RUNX1: variants seen among roughly 807,000 people sequenced by gnomAD.
The protein encoded by RUNX1 is runt-related transcription factor 1.
In RUNX1, 19 loss-of-function variants were observed where a neutral mutation model predicts 42.8. The observed-to-expected ratio is 0.44, with a 90% CI of 0.31 to 0.65. RUNX1 has a LOEUF of 0.65. Among genes scored for constraint, RUNX1 ranks in the 30% least tolerant of loss-of-function variants. The probability of loss-of-function intolerance (pLI) is 0.07; values close to 1 mark genes in which losing one functional copy is unlikely to be tolerated. For synonymous variants in RUNX1, 271 were observed against 289.4 expected, an observed-to-expected ratio of 0.94 and a Z score of 0.64; for missense variants, 528 against 672.0, an observed-to-expected ratio of 0.79 and a Z score of 2.37.
intron 3 of RUNX1, among the ~76,000 whole-genome samples, chr21:34,891,651 A>G (rs1872055836): frequency 6.6e-6 from 1 of 151,986 alleles, no homozygotes; most frequent in South Asian, 2.1e-4. Context: ...TACCAGGTTC[A>G]TTCCCAGTGT....
chr21:35,038,508 A>C (rs2059327114), intron 2 of RUNX1: 1 of 455,362 alleles, frequency 2.2e-6, no homozygotes, highest in African/African-American at 2.0e-5. Flanking sequence ...AGCTTCCTTG[A>C]ATTCAGTACA....
intron 7 of RUNX1, among the ~76,000 whole-genome samples, chr21:34,817,617 C>T (rs1272199740): frequency 6.6e-6 from 1 of 152,150 alleles, no homozygotes; most frequent in African/African-American, 2.4e-5. Flanking sequence ...GTTACTCAAG[C>T]CCCCAAGACA....
chr21:34,853,603 T>A (rs2057455133), intron 6 of RUNX1, among the ~76,000 whole-genome samples: 3 of 152,214 alleles, frequency 2.0e-5, no homozygotes, highest in Admixed American at 1.3e-4. Flanking sequence ...TTTTGAAGAT[T>A]ATATAAATTA....
In RUNX1 at chr21:34,930,270, G is replaced by GTGTGTGTATATATATATA. The variant is rs372412304; in HGVS notation, c.59-37308_59-37307insTATATATATATACACACA. Among the ~76,000 whole-genome samples the GTGTGTGTATATATATATA allele has an allele frequency of 8.7e-4, 107 of 122,908 alleles. 1 individual carries two copies. The highest frequency in any genetic ancestry group is 2.9e-3 in the African/African-American group (77 of 26,614). 80.6% of individuals were successfully genotyped at this position (122,908 alleles called of 152,430 possible). On this transcript the variant is annotated intron_variant, in intron 2 of 8. Coordinates refer to ENST00000675419, the MANE Select transcript of RUNX1 (RefSeq NM_001754.5). The stretch of plus-strand genomic sequence containing the variant: ...ATGTATATTATACGTGTGTGTGTAT[G>GTGTGTGTATATATATATA]TATATATATATATATATATATAAAT...
chr21:34,934,212 T>C (rs1191148362), intron 2 of RUNX1, among the ~76,000 whole-genome samples: 14 of 152,214 alleles, frequency 9.2e-5, no homozygotes, highest in Admixed American at 8.5e-4. Context: ...CTTGGGACTG[T>C]ACACCCTGTT....
intron 3 of RUNX1, chr21:34,889,861 T>TGCCGGGCCCTGCACCTCCCG: frequency 9.2e-7 from 1 of 1,086,140 alleles, no homozygotes; most frequent in Admixed American, 5.4e-5. Flanking sequence ...ACGCCCTCCC[T>TGCCGGGCCCTGCACCTCCCG]GCCGGGCCCT....
At position 34,792,998 on chromosome 21, in the gene RUNX1, C is replaced by T. The variant is rs554268203; in HGVS notation, c.968-388G>A. Among the ~76,000 whole-genome samples, 1 of 150,984 alleles carries T rather than the reference C, an allele frequency of 6.6e-6. No homozygotes were observed. Among genetic ancestry groups the T allele is most frequent in the South Asian group, 2.1e-4 (1 of 4,780 alleles). On this transcript the variant is annotated intron_variant, in intron 8 of 8. Coordinates refer to ENST00000675419, the MANE Select transcript of RUNX1 (RefSeq NM_001754.5). This position sits in a 1 kb window ranked among gnomAD's most constrained non-coding sequence, Gnocchi z 6.9. ...CACCACCTGGGAGGATGGAGACCAC[C>T]CAGGATGCTACCGCCTAGGAGGACG...
chr21:34,789,089 T>C lies in RUNX1; in HGVS notation c.*3046A>G. ...ATTTGCCCAGGAAAGTTTGCTGGTT[T>C]GGACAGCAAGCAGATCCAATATGGT... On this transcript the variant is annotated 3_prime_UTR_variant, in exon 9 of 9. Transcript: ENST00000675419. The C allele has an allele frequency of 4.3e-6, 1 of 233,318 alleles. No homozygotes were observed. The highest frequency in any genetic ancestry group is 5.6e-5 in the Admixed American group (1 of 17,802). The allele number at this position is 233,318 out of a possible 1,614,324, so 14.5% of individuals were successfully genotyped here.
chr21:34,915,218 T>C (rs1601565310), intron 2 of RUNX1, among the ~76,000 whole-genome samples: 1 of 152,350 alleles, frequency 6.6e-6, no homozygotes, highest in East Asian at 1.9e-4. Flanking sequence ...TAACATATTA[T>C]GCTATTTGAT....
intron 6 of RUNX1, among the ~76,000 whole-genome samples, chr21:34,847,165 G>T (rs557907135): frequency 1.3e-5 from 2 of 152,312 alleles, no homozygotes; most frequent in East Asian, 1.9e-4. Flanking sequence ...ACTGTATTTG[G>T]TCTTGCAAGA....
chr21:35,009,824 A>T (rs1791338187), intron 2 of RUNX1, among the ~76,000 whole-genome samples: 1 of 152,182 alleles, frequency 6.6e-6, no homozygotes, highest in African/African-American at 2.4e-5. Flanking sequence ...GAGGGTTTAA[A>T]ATTTTGACTA....
At chr21:34,803,372 C>T (rs2056634689) in intron 7 of RUNX1, among the ~76,000 whole-genome samples, 1 of 151,886 alleles carries the variant, frequency 6.6e-6, no homozygotes, top group African/African-American at 2.4e-5. Flanking sequence ...ACGGTGAAAC[C>T]CTGTCTCTAC....
intron 6 of RUNX1, among the ~76,000 whole-genome samples, chr21:34,838,057 T>C (rs1287925079): frequency 4.6e-5 from 7 of 152,216 alleles, no homozygotes; most frequent in Non-Finnish European, 1.0e-4. Context: ...ATTCCTATTG[T>C]TTTCGGGGTT....
chr21:34,791,751 TAAGTC>T lies in RUNX1; in HGVS notation c.*379_*383del, dbSNP rs1376371328. On this transcript the variant is annotated 3_prime_UTR_variant, in exon 9 of 9. Coordinates refer to ENST00000675419, the MANE Select transcript of RUNX1 (RefSeq NM_001754.5). The stretch of plus-strand genomic sequence containing the variant: ...GGAATAAACAACTTGGTTAAAAAGT[TAAGTC>T]AAGGGTATAAAATCTTTCTTTTTAT... 4.4e-6 allele frequency: 1 copy of T among 228,242 alleles called. No individual in the cohort carries two copies. The highest frequency in any genetic ancestry group is 8.7e-6 in the Non-Finnish European group (1 of 114,674). 14.1% of individuals were successfully genotyped at this position (228,242 alleles called of 1,614,324 possible).
intron 7 of RUNX1, among the ~76,000 whole-genome samples, chr21:34,800,559 TTG>T (rs1411030664): frequency 6.6e-6 from 1 of 152,208 alleles, no homozygotes; most frequent in Non-Finnish European, 1.5e-5. Context: ...GGTATAAGTT[TTG>T]TATAGGTCAG....
At chr21:34,799,593 A>C (rs921207935) in intron 7 of RUNX1, 131 bp from the exon 8 acceptor site, 7 of 745,456 alleles carry the variant, frequency 9.4e-6, no homozygotes, top group Non-Finnish European at 1.6e-5. Context: ...CCAGGGTTTA[A>C]TAAGCCTACT....
intron 2 of RUNX1, among the ~76,000 whole-genome samples, chr21:34,969,516 T>G (rs2058745112): frequency 6.6e-6 from 1 of 152,210 alleles, no homozygotes; most frequent in Admixed American, 6.5e-5. Context: ...CAGTTTCTTC[T>G]GCCTGACCCA....
intron 2 of RUNX1, among the ~76,000 whole-genome samples, chr21:34,908,824 C>G (rs764842422): frequency 6.6e-6 from 1 of 152,152 alleles, no homozygotes; most frequent in Non-Finnish European, 1.5e-5. Flanking sequence ...TTTGCATATA[C>G]ATAGAATGGG....
Position 34,790,284 on chromosome 21 carries a change from C to T in RUNX1, c.*1851G>A. 4.3e-6 allele frequency: 1 copy of T among 233,462 alleles called. No homozygotes were observed. The allele number at this position is 233,462 out of a possible 1,614,324, so 14.5% of individuals were successfully genotyped here. A position where few individuals can be genotyped will look rare whatever the true frequency, so the allele number is the denominator to read the frequency against. On this transcript the variant is annotated 3_prime_UTR_variant, in exon 9 of 9. Transcript: ENST00000675419. ...TTTTAAATAAGTCCAGCTGTTTTTG[C>T]TGCCTGCAGCCAAAGATTTGCCTAA...
Sources: gnomAD v4.1 joint callset for allele counts (sites outside exome capture counted in the v4.1 genomes callset) on GRCh38, gnomAD v4.1.1 for gene constraint, Gnocchi (gnomAD v3.1) non-coding constraint, MANE v1.5 for transcripts, NCBI Gene and HGNC (gene_info 2026-07-23, HGNC 2026-07-21) for gene names.